The following IL18BP variants were observed in gnomAD, a reference collection of about 807,000 sequenced individuals.
The protein encoded by IL18BP is interleukin 18 binding protein.
IL18BP carries 23 observed loss-of-function variants against 19.9 expected under a neutral mutation model. The observed-to-expected ratio is 1.15, with a 90% CI of 0.83 to 1.64. The LOEUF (loss-of-function observed/expected upper bound fraction) is 1.64. Ranked by LOEUF, IL18BP falls within the 40% of genes most tolerant of loss-of-function variation. The pLI, the probability that IL18BP is intolerant of heterozygous loss-of-function variation, is 0.00. For synonymous variants in IL18BP, 107 were observed against 101.0 expected, an observed-to-expected ratio of 1.06 and a Z score of -0.35; for missense variants, 239 against 240.7, an observed-to-expected ratio of 0.99 and a Z score of 0.05.
chr11:72,006,126 G>C, downstream of IL18BP: 1 of 1,614,174 alleles, frequency 6.2e-7, no homozygotes, highest in Non-Finnish European at 8.5e-7. Context: ...GCAGGGCTGA[G>C]TTGCCATAAT....
In IL18BP at chr11:72,001,993, G is replaced by C. The variant is rs1326690165; in HGVS notation, c.*132G>C. ...AACACACCCCCTCCTTCTCTGCTTT[G>C]GGTCCCTTCTCTCACCAAATTCAAA... is the stretch of plus-strand genomic sequence containing the variant. On this transcript the variant is annotated 3_prime_UTR_variant, in exon 6 of 6. Coordinates refer to ENST00000393703, the MANE Select transcript of IL18BP (RefSeq NM_001039660.2). 1 of 1,366,918 alleles carries C rather than the reference G, an allele frequency of 7.3e-7. No individual in the cohort carries two copies. Among genetic ancestry groups the C allele is most frequent in the African/African-American group, 1.5e-5 (1 of 68,744 alleles). The allele number at this position is 1,366,918 out of a possible 1,614,324, so 84.7% of individuals were successfully genotyped here.
At chr11:72,006,352 G>A (rs914661169), downstream of IL18BP, 51 of 1,103,676 alleles carry the variant, frequency 4.6e-5, no homozygotes, top group South Asian at 4.3e-4. Context: ...CAGATCCCAC[G>A]GCACATCCAT....
At chr11:72,005,241 C>T (rs768272519), downstream of IL18BP, 1 of 1,599,248 alleles carries the variant, frequency 6.3e-7, no homozygotes, top group Non-Finnish European at 8.5e-7. Flanking sequence ...ACCCTGGACT[C>T]CAGGGGATAG....
chr11:72,003,244 A>G (rs1052863660), downstream of IL18BP: 1 of 491,058 alleles, frequency 2.0e-6, no homozygotes, highest in African/African-American at 1.9e-5. Context: ...ACCAGCCTCA[A>G]ATCTGGTTGT....
At chr11:72,007,472 C>G (rs200238731), downstream of IL18BP, 3 of 1,607,694 alleles carry the variant, frequency 1.9e-6, no homozygotes, top group African/African-American at 2.7e-5. Flanking sequence ...CAGTCCTTCA[C>G]GCTAGAAGGC....
At chr11:72,007,100 C>T (rs904403271), downstream of IL18BP, 2 of 1,498,174 alleles carry the variant, frequency 1.3e-6, no homozygotes, top group Non-Finnish European at 1.8e-6. Context: ...GCTCATCCCT[C>T]CCTGCTCCTG....
At chr11:72,007,646 G>A (rs187601305), downstream of IL18BP, 232 of 628,730 alleles carry the variant, frequency 3.7e-4, 3 homozygotes, top group South Asian at 1.4e-3. Context: ...GCTCCTCATA[G>A]TGGCAATGCC....
rs774825473 is a variant in IL18BP, at chr11:72,001,875, G to T, written c.*14G>T. 4 of 1,614,096 alleles carry T rather than the reference G, an allele frequency of 2.5e-6. No homozygotes were observed. The South Asian group carries it at 4.4e-5, about 18-fold the overall frequency. On this transcript the variant is annotated 3_prime_UTR_variant, in exon 6 of 6. Transcript: ENST00000393703. ...CAGCAGGGTTAAGACTCAGCACAGG[G>T]CCAGCAGCAGCACAACCTTGACCAG...
At chr11:72,001,716 C>T in intron 5 of IL18BP, 68 bp from the exon 6 acceptor site, 2 of 1,613,036 alleles carry the variant, frequency 1.2e-6, no homozygotes, top group South Asian at 2.2e-5. Context: ...GGAGGTGTAG[C>T]CTGGGGCAAA....
At chr11:72,001,056 A>C in intron 3 of IL18BP, 145 bp from the exon 4 acceptor site, 1 of 900,012 alleles carries the variant, frequency 1.1e-6, no homozygotes, top group Non-Finnish European at 1.7e-6. Flanking sequence ...TCTGTAACGG[A>C]CGTTCCCACC....
chr11:72,005,791 A>C, downstream of IL18BP: 1 of 544,878 alleles, frequency 1.8e-6, no homozygotes, highest in Non-Finnish European at 3.2e-6. Flanking sequence ...CCCCACAGCT[A>C]AGTGTCACAA....
chr11:72,000,120 C>T, intron 2 of IL18BP, 108 bp downstream of exon 2: 2 of 1,225,716 alleles, frequency 1.6e-6, no homozygotes, highest in Admixed American at 4.0e-5. Flanking sequence ...CCACCCAGCG[C>T]ACCTGGTGCT....
downstream of IL18BP, chr11:72,003,950 G>C (rs1279702742): frequency 6.2e-7 from 1 of 1,613,446 alleles, no homozygotes; most frequent in Non-Finnish European, 8.5e-7. Flanking sequence ...CTGTGGTGGT[G>C]GCAATGCGCG....
chr11:71,999,635 A>G, intron 1 of IL18BP: 1 of 296,786 alleles, frequency 3.4e-6, no homozygotes, highest in Non-Finnish European at 6.4e-6. Context: ...CTGGTGCTGA[A>G]GAGAGCACTG....
chr11:71,999,796 CCA>C, intron 1 of IL18BP, 129 bp from the exon 2 acceptor site: 1 of 609,480 alleles, frequency 1.6e-6, no homozygotes. Flanking sequence ...CTTGACCCCC[CCA>C]GCTCTGTTTC....
chr11:72,003,847 C>G, downstream of IL18BP: 1 of 1,601,740 alleles, frequency 6.2e-7, no homozygotes, highest in Non-Finnish European at 8.5e-7. Context: ...TGCCCATGCT[C>G]TCATCGGGTT....
chr11:72,002,100 G>A lies in IL18BP; in HGVS notation c.*239G>A, dbSNP rs547092982. ...CCATTCTCTCTCCACCTATCCATTAGCCTTCCTAACGTCCTACTCCTCACA... is the reference window on the plus strand; with the variant it reads ...CCATTCTCTCTCCACCTATCCATTAACCTTCCTAACGTCCTACTCCTCACA... On this transcript the variant is annotated 3_prime_UTR_variant, in exon 6 of 6. Coordinates refer to ENST00000393703, the MANE Select transcript of IL18BP (RefSeq NM_001039660.2). The A allele has an allele frequency of 5.7e-5, 35 of 615,706 alleles. 2 individuals are homozygous for A. The South Asian group carries it at 7.1e-4, about 12-fold the overall frequency. 38.1% of individuals were successfully genotyped at this position (615,706 alleles called of 1,614,324 possible).
chr11:72,005,266 T>TG, downstream of IL18BP: 1 of 1,605,298 alleles, frequency 6.2e-7, no homozygotes, highest in African/African-American at 1.3e-5. Context: ...TCTTCAGATG[T>TG]GGGGGGCACA....
intron 3 of IL18BP, 86 bp downstream of exon 3, chr11:72,000,643 C>A: frequency 9.0e-7 from 1 of 1,105,134 alleles, no homozygotes; most frequent in Non-Finnish European, 1.3e-6. Context: ...CCCCTTCTGC[C>A]CATGTACCAC....
Sources: allele counts gnomAD v4.1 joint callset, GRCh38; gene constraint gnomAD v4.1.1; transcripts MANE v1.5; gene names NCBI Gene and HGNC (gene_info 2026-07-23, HGNC 2026-07-21).